The following ARHGEF10L variants were observed in gnomAD, a reference collection of about 807,000 sequenced individuals.
ARHGEF10L encodes the protein Rho guanine nucleotide exchange factor 10 like, also known as rho guanine nucleotide exchange factor 10-like protein.
Under a neutral mutation model 141.2 loss-of-function variants are expected in ARHGEF10L, and 69 were observed. The ratio of observed to expected loss-of-function variants is 0.49; its 90% confidence interval spans 0.40 to 0.60. The LOEUF is 0.60. ARHGEF10L is among the 20% of genes least tolerant of loss of function. ARHGEF10L has a pLI of 0.00. For synonymous variants in ARHGEF10L, 711 were observed against 718.5 expected, an observed-to-expected ratio of 0.99 and a Z score of 0.17; for missense variants, 1,482 against 1,734.3, an observed-to-expected ratio of 0.85 and a Z score of 2.58.
intron 7 of ARHGEF10L, among the ~76,000 whole-genome samples, chr1:17,612,769 G>A (rs1309871225): frequency 6.6e-6 from 1 of 152,148 alleles, no homozygotes; most frequent in Non-Finnish European, 1.5e-5. Flanking sequence ...AGGAGACCTG[G>A]ATTTACTCCC....
At chr1:17,604,012 C>T (rs577536884) in intron 6 of ARHGEF10L, among the ~76,000 whole-genome samples, 7 of 152,032 alleles carry the variant, frequency 4.6e-5, no homozygotes, top group South Asian at 4.2e-4. Context: ...GGCAGGCAGG[C>T]GATTGTGGCC....
At chr1:17,516,166 G>A in the ARHGEF10L span, among the ~76,000 whole-genome samples, 5 of 152,234 alleles carry the variant, frequency 3.3e-5, no homozygotes, top group African/African-American at 1.2e-4. Flanking sequence ...AGTGGAGTAT[G>A]GCTTAGGAAA....
chr1:17,596,889 T>TA (rs1397382440), intron 4 of ARHGEF10L, among the ~76,000 whole-genome samples: 1 of 152,090 alleles, frequency 6.6e-6, no homozygotes, highest in Non-Finnish European at 1.5e-5. Context: ...CTGTCTCAAC[T>TA]AAAAATACAA....
At chr1:17,579,638 T>A (rs1260538528) in intron 1 of ARHGEF10L, among the ~76,000 whole-genome samples, 2 of 152,248 alleles carry the variant, frequency 1.3e-5, no homozygotes, top group Non-Finnish European at 2.9e-5. Context: ...TAAGCCAGTT[T>A]AATAAAAATA....
intron 4 of ARHGEF10L, among the ~76,000 whole-genome samples, chr1:17,589,521 C>T (rs773312038): frequency 6.6e-5 from 10 of 152,322 alleles, no homozygotes; most frequent in Middle Eastern, 3.4e-3. Context: ...TGTCACCCAA[C>T]GGGAGGTTTC....
In ARHGEF10L at chr1:17,625,944, T is replaced by G. The variant is rs1186690624; in HGVS notation, c.1318-12T>G. On this transcript the variant is annotated splice_polypyrimidine_tract_variant and intron_variant, in intron 13 of 28. Transcript: ENST00000361221. The surrounding 1 kb of genome is among the most constrained non-coding windows in gnomAD (Gnocchi z 4.5). ...AGGGGGTCAGCGAATGACGGAACCT[T>G]GTCTCCACCAGCGACGGCAGGTGTG... The G allele has an allele frequency of 5.6e-6, 9 of 1,613,314 alleles. No homozygotes were observed. Among genetic ancestry groups the G allele is most frequent in the Non-Finnish European group, 7.6e-6 (9 of 1,179,442 alleles).
rs528858056 is a variant in ARHGEF10L at position 17,648,631 on chromosome 1, G to A, written c.2350G>A (p.Ala784Thr). 86 of 1,613,234 alleles carry A rather than the reference G, an allele frequency of 5.3e-5. 2 individuals are homozygous for A. The South Asian group carries it at 9.0e-4, about 17-fold the overall frequency. Residue 784 changes from alanine (A) to threonine (T), a missense_variant, in exon 22 of 29, where the codon GCC (alanine) becomes ACC (threonine). Physicochemically the swap from Ala to Thr is moderately conservative, Grantham distance 58 (BLOSUM62 0). Transcript: ENST00000361221. ...AGCCCCATTCTGGTGCCCGATCCTG[G>A]CCTGCTGCATCCCTGCCTTCTCCTC... is the stretch of plus-strand genomic sequence containing the variant. Reference protein sequence around the residue: ...SKAPFWCPILACCIPAFSSRA... With the variant: ...SKAPFWCPILTCCIPAFSSRA...
intron 21 of ARHGEF10L, among the ~76,000 whole-genome samples, chr1:17,645,186 GT>G (rs1427672543): frequency 1.3e-5 from 2 of 152,138 alleles, no homozygotes; most frequent in African/African-American, 4.8e-5. Context: ...GTCGGTGCCA[GT>G]TCTTAATGTC....
the ARHGEF10L span, among the ~76,000 whole-genome samples, chr1:17,533,926 G>A: frequency 1.3e-4 from 19 of 151,962 alleles, no homozygotes; most frequent in Admixed American, 9.2e-4. Context: ...ATCCAGACTC[G>A]GGAAGTCCAC....
In ARHGEF10L at chr1:17,580,565, G is replaced by A. The variant is rs2078449670; in HGVS notation, c.-31G>A. The A allele has an allele frequency of 1.2e-6, 2 of 1,614,152 alleles. No homozygotes were observed. Among genetic ancestry groups the A allele is most frequent in the East Asian group, 4.5e-5 (2 of 44,866 alleles). On this transcript the variant is annotated 5_prime_UTR_variant, in exon 2 of 29. Coordinates refer to ENST00000361221, the MANE Select transcript of ARHGEF10L (RefSeq NM_018125.4). ...CTTCTTTCCACAGGTGTGTAGCTGG[G>A]ACGGTGCTGGTCTGAGCTGGACCTT...
intron 6 of ARHGEF10L, among the ~76,000 whole-genome samples, chr1:17,605,985 G>A (rs2081137766): frequency 6.6e-6 from 1 of 152,172 alleles, no homozygotes; most frequent in African/African-American, 2.4e-5. Flanking sequence ...TGGCACATCT[G>A]TTTTGTTCTT....
chr1:17,562,368 A>G (rs2100843384), intron 1 of ARHGEF10L, among the ~76,000 whole-genome samples: 1 of 152,332 alleles, frequency 6.6e-6, no homozygotes, highest in East Asian at 1.9e-4. Context: ...AGTGAACCAT[A>G]ATAGTGCCAC....
intron 4 of ARHGEF10L, among the ~76,000 whole-genome samples, chr1:17,594,780 C>T (rs544801229): frequency 1.4e-4 from 21 of 152,298 alleles, no homozygotes; most frequent in African/African-American, 3.6e-4. Context: ...CCACCATACC[C>T]GGCCCCCTCA....
chr1:17,586,663 G>T (rs111831173), intron 2 of ARHGEF10L, among the ~76,000 whole-genome samples: 1,910 of 152,286 alleles, frequency 0.013, 41 homozygotes, highest in African/African-American at 0.043. Context: ...CAGGACCAGA[G>T]AGTAGAGGGG....
chr1:17,645,637 G>C (rs2061555624), intron 21 of ARHGEF10L, among the ~76,000 whole-genome samples: 1 of 152,078 alleles, frequency 6.6e-6, no homozygotes, highest in Non-Finnish European at 1.5e-5. Flanking sequence ...ATCTTTATTT[G>C]CTGCCCAGGG....
chr1:17,523,824 G>A, the ARHGEF10L span, among the ~76,000 whole-genome samples: 1 of 152,178 alleles, frequency 6.6e-6, no homozygotes, highest in African/African-American at 2.4e-5. Flanking sequence ...TGCAGGGGCT[G>A]GTGATTTATT....
the ARHGEF10L span, among the ~76,000 whole-genome samples, chr1:17,534,325 T>C: frequency 1.3e-5 from 2 of 152,140 alleles, no homozygotes; most frequent in Admixed American, 1.3e-4. Flanking sequence ...GGTTTCACCA[T>C]GTTAGCCAGG....
chr1:17,634,079 G>C (rs2060855866), intron 16 of ARHGEF10L, among the ~76,000 whole-genome samples: 1 of 152,170 alleles, frequency 6.6e-6, no homozygotes, highest in Non-Finnish European at 1.5e-5. Context: ...ATGGGTCTGG[G>C]CAGGGCTTAT....
chr1:17,596,250 G>A (rs1446039422), intron 4 of ARHGEF10L, among the ~76,000 whole-genome samples: 1 of 152,248 alleles, frequency 6.6e-6, no homozygotes, highest in Non-Finnish European at 1.5e-5. Flanking sequence ...GTACAACCAG[G>A]TCAAGTGGCC....
Sources: gnomAD v4.1 joint callset for allele counts (sites outside exome capture counted in the v4.1 genomes callset) on GRCh38, gnomAD v4.1.1 for gene constraint, Gnocchi (gnomAD v3.1) non-coding constraint, MANE v1.5 for transcripts, NCBI Gene and HGNC (gene_info 2026-07-23, HGNC 2026-07-21) for gene names.